TRIP10: variants seen among roughly 807,000 people sequenced by gnomAD.
TRIP10 encodes thyroid hormone receptor interactor 10, also known as cdc42-interacting protein 4.
A neutral mutation model predicts 80.9 loss-of-function variants in TRIP10; 54 were observed. The ratio of observed to expected loss-of-function variants is 0.67; its 90% CI spans 0.54 to 0.84. The LOEUF is 0.84. Among genes scored for constraint, TRIP10 ranks in the 40% least tolerant of loss-of-function variants. The pLI is 0.00. For synonymous variants in TRIP10, 321 were observed against 307.2 expected (o/e 1.04, Z -0.47); for missense variants, 773 against 815.3 (o/e 0.95, Z 0.63).
chr19:6,747,253 A>T (rs1184900740), intron 11 of TRIP10, among the ~76,000 whole-genome samples: 3 of 151,382 alleles, frequency 2.0e-5, no homozygotes, highest in East Asian at 4.0e-4. Flanking sequence ...AAGCCTGGGA[A>T]ATGGAGACTA....
intron 3 of TRIP10, among the ~76,000 whole-genome samples, chr19:6,742,316 G>A (rs112903412): frequency 3.3e-5 from 5 of 151,950 alleles, no homozygotes; most frequent in Admixed American, 3.3e-4. Flanking sequence ...CTTGAACCCG[G>A]GAGGCGGAGG....
intron 5 of TRIP10, 70 bp downstream of exon 5, chr19:6,743,326 G>A (rs1968981536): frequency 1.3e-6 from 2 of 1,590,354 alleles, no homozygotes; most frequent in African/African-American, 1.3e-5. Context: ...CCGGAGTCAG[G>A]GAGCTGCCCT....
rs1303281811 is a variant in TRIP10, at chr19:6,751,329, T to G, written c.*118T>G. 1.3e-6 allele frequency: 2 copies of G among 1,536,810 alleles called. No homozygotes were observed. Among genetic ancestry groups the G allele is most frequent in the African/African-American group, 2.7e-5 (2 of 73,096 alleles). ...GGCTTCGGCTGAGACCTGTGTAACC[T>G]GCTGCCCCCTCCACCCCCAACCCAG... On this transcript the variant is annotated 3_prime_UTR_variant, in exon 15 of 15. Coordinates refer to ENST00000313244, the MANE Select transcript of TRIP10 (RefSeq NM_001288962.2).
chr19:6,739,937 T>C (rs1163475575), intron 1 of TRIP10, 152 bp downstream of exon 1: 4 of 1,001,912 alleles, frequency 4.0e-6, no homozygotes, highest in African/African-American at 3.4e-5. Flanking sequence ...TCTCGAAGTT[T>C]ATCTGGGAGT....
chr19:6,750,530 A>G lies in TRIP10; in HGVS notation c.1554A>G (p.Ser518=). 1 of 1,614,198 alleles carries G rather than the reference A, an allele frequency of 6.2e-7. No homozygotes were observed. Among genetic ancestry groups the G allele is most frequent in the Non-Finnish European group, 8.5e-7 (1 of 1,180,028 alleles). The change falls in exon 14 of 15, where the codon TCA becomes TCG. Residue 518 remains serine (S), a synonymous_variant. Coordinates refer to ENST00000313244, the MANE Select transcript of TRIP10 (RefSeq NM_001288962.2). The part of the protein sequence containing the change: ...DTKESSEEPP[S]EESQDTPIYT... ...CAAACAGCTCTGAAGAGCCTCCCTC[A>G]GAAGAGAGCCAGGACACCCCCATTT... is the stretch of plus-strand genomic sequence containing the variant.
At chr19:6,747,216 T>C (rs1252300381) in intron 11 of TRIP10, among the ~76,000 whole-genome samples, 1 of 152,018 alleles carries the variant, frequency 6.6e-6, no homozygotes, top group Non-Finnish European at 1.5e-5. Context: ...CCCAGCCACT[T>C]GGGAGGCTGA....
In TRIP10 at chr19:6,746,701, G is replaced by C; in HGVS notation, c.1262+140G>C. On this transcript the variant is annotated intron_variant, in intron 11 of 14. Transcript: ENST00000313244. The surrounding 1 kb of genome is among the most constrained non-coding windows in gnomAD (Gnocchi z 6.2). ...AGGGTCTTAGTCTGTCGTCCAGGCT[G>C]GAGTGCAGTGCTGTGATCTTAGCTC... The C allele has an allele frequency of 6.4e-6, 3 of 471,060 alleles. No individual in the cohort carries two copies. Among genetic ancestry groups the C allele is most frequent in the Non-Finnish European group, 9.5e-6 (3 of 315,826 alleles). The allele number at this position is 471,060 out of a possible 1,614,324, so 29.2% of individuals were successfully genotyped here.
At position 6,739,739 on chromosome 19, in the gene TRIP10, G is replaced by A. The variant is rs769654230; in HGVS notation, c.-23G>A. 62 of 1,206,924 alleles carry A rather than the reference G, an allele frequency of 5.1e-5. No homozygotes were observed. Among genetic ancestry groups the A allele is most frequent in the Non-Finnish European group, 6.5e-5 (61 of 939,408 alleles). The allele number at this position is 1,206,924 out of a possible 1,614,324, so 74.8% of individuals were successfully genotyped here. A position where few individuals can be genotyped will look rare whatever the true frequency, so the allele number is the denominator to read the frequency against. On this transcript the variant is annotated 5_prime_UTR_variant, in exon 1 of 15. Coordinates refer to ENST00000313244, the MANE Select transcript of TRIP10 (RefSeq NM_001288962.2). ...GCGGGGACCGGGTGCGGTGGTGGCTGCGGCGGCGGCGGCGGGAGCAGCATG... is the reference window on the plus strand; with the variant it reads ...GCGGGGACCGGGTGCGGTGGTGGCTACGGCGGCGGCGGCGGGAGCAGCATG...
rs1841435721 is a variant in TRIP10, at chr19:6,744,106, C to T, written c.642+270C>T. Among the ~76,000 whole-genome samples, 1 of 152,178 alleles carries T rather than the reference C, an allele frequency of 6.6e-6. No homozygotes were observed. Among genetic ancestry groups the T allele is most frequent in the Non-Finnish European group, 1.5e-5 (1 of 68,034 alleles). ...GCAGTGGCATAATCACAGCTCACTG[C>T]AGCCTGGAACCCCTGTGCTCAAGTG... On this transcript the variant is annotated intron_variant, in intron 7 of 14. Coordinates refer to ENST00000313244, the MANE Select transcript of TRIP10 (RefSeq NM_001288962.2). The surrounding 1 kb of genome is among the most constrained non-coding windows in gnomAD (Gnocchi z 4.9).
At chr19:6,749,448 G>A (rs546216188) in intron 11 of TRIP10, among the ~76,000 whole-genome samples, 2 of 152,276 alleles carry the variant, frequency 1.3e-5, no homozygotes, top group East Asian at 3.9e-4. Flanking sequence ...AGCTCACACA[G>A]CTAGGAAATA....
intron 11 of TRIP10, among the ~76,000 whole-genome samples, chr19:6,747,776 C>T (rs189130424): frequency 6.8e-6 from 1 of 148,004 alleles, no homozygotes; most frequent in East Asian, 2.0e-4. Flanking sequence ...CTGGGTAACA[C>T]AGCGAGTCTC....
Position 6,746,296 on chromosome 19 carries a change from C to A in TRIP10, c.1152+100C>A. ...GCTTCCTGCCGCTGGCTGGGCCCCTCTTCCCTGGTTGCCCAACCCAGACCT... is the reference window on the plus strand; with the variant it reads ...GCTTCCTGCCGCTGGCTGGGCCCCTATTCCCTGGTTGCCCAACCCAGACCT... On this transcript the variant is annotated intron_variant, in intron 10 of 14. Coordinates refer to ENST00000313244, the MANE Select transcript of TRIP10 (RefSeq NM_001288962.2). This position sits in a 1 kb window ranked among gnomAD's most constrained non-coding sequence, Gnocchi z 6.2. 6.7e-7 allele frequency: 1 copy of A among 1,490,220 alleles called. No individual in the cohort carries two copies. 92.3% of individuals were successfully genotyped at this position (1,490,220 alleles called of 1,614,324 possible). A position where few individuals can be genotyped will look rare whatever the true frequency, so the allele number is the denominator to read the frequency against.
Position 6,743,615 on chromosome 19 carries a change from C to CGAGGGGGGGGGGGG in TRIP10, c.513+18_513+19insAGGGGGGGGGGGGG. 1 of 770,178 alleles carries CGAGGGGGGGGGGGG rather than the reference C, an allele frequency of 1.3e-6. No homozygotes were observed. The highest frequency in any genetic ancestry group is 1.8e-6 in the Non-Finnish European group (1 of 549,194). The allele number at this position is 770,178 out of a possible 1,614,324, so 47.7% of individuals were successfully genotyped here. A position where few individuals can be genotyped will look rare whatever the true frequency, so the allele number is the denominator to read the frequency against. On this transcript the variant is annotated intron_variant, in intron 6 of 14. Coordinates refer to ENST00000313244, the MANE Select transcript of TRIP10 (RefSeq NM_001288962.2). ...GTGGAGAAGGTGTGTGTGGCGGGGG[C>CGAGGGGGGGGGGGG]GGGGGGGGGGTGCGGGGTCTGGGAC...
In TRIP10 at chr19:6,744,784, T is replaced by C. The variant is rs548602254; in HGVS notation, c.790-16T>C. 1.1e-5 allele frequency: 17 copies of C among 1,607,802 alleles called. No homozygotes were observed. Among genetic ancestry groups the C allele is most frequent in the South Asian group, 4.4e-5 (4 of 90,010 alleles). On this transcript the variant is annotated splice_polypyrimidine_tract_variant and intron_variant, in intron 8 of 14. Transcript: ENST00000313244. The surrounding 1 kb of genome is among the most constrained non-coding windows in gnomAD (Gnocchi z 4.9). ...GCTAGGCACTCGACTGCTCATCCAC[T>C]GTCCCCCTCCCCCAGGACTCCCACG...
At chr19:6,741,429 T>C in intron 3 of TRIP10, 148 bp downstream of exon 3, 1 of 958,054 alleles carries the variant, frequency 1.0e-6, no homozygotes, top group Non-Finnish European at 1.6e-6. Context: ...CGGGATTATC[T>C]GGCTTGGAAT....
intron 11 of TRIP10, chr19:6,748,693 T>C (rs1190584608): frequency 6.6e-6 from 1 of 152,168 alleles, no homozygotes; most frequent in Non-Finnish European, 1.5e-5. Flanking sequence ...CTCCAGAGGC[T>C]GAGGCACGAG....
Position 6,743,078 on chromosome 19 carries a change from C to G in TRIP10, c.309C>G (p.Thr103=). 2 of 1,614,172 alleles carry G rather than the reference C, an allele frequency of 1.2e-6. No individual in the cohort carries two copies. Among genetic ancestry groups the G allele is most frequent in the South Asian group, 1.1e-5 (1 of 91,082 alleles). ...NLSVRVCLEL[T]KYSQEMKQER... ...GTGTCCGTGTATGTCTTGAGCTGAC[C>G]AAGTACTCACAAGAGATGAAACAGG... The change falls in exon 4 of 15, where the codon ACC becomes ACG. Residue 103 remains threonine (T), a synonymous_variant. Transcript: ENST00000313244.
At chr19:6,740,740 C>T (rs1968889647) in intron 1 of TRIP10, 4 of 460,008 alleles carry the variant, frequency 8.7e-6, no homozygotes, top group East Asian at 3.8e-5. Flanking sequence ...CCTTCCACGC[C>T]CCTCTTGGCG....
rs1599565868 is a variant in TRIP10, at chr19:6,746,743, C to A, written c.1262+182C>A. Among the ~76,000 whole-genome samples the A allele has an allele frequency of 1.3e-5, 2 of 152,118 alleles. No individual in the cohort carries two copies. Among genetic ancestry groups the A allele is most frequent in the South Asian group, 4.1e-4 (2 of 4,826 alleles). The stretch of plus-strand genomic sequence containing the variant: ...TCTTAGCTCACTGCAATCGCCACAT[C>A]CCAGGTTCAAGCAATTCTTGTGCCT... On this transcript the variant is annotated intron_variant, in intron 11 of 14. Coordinates refer to ENST00000313244, the MANE Select transcript of TRIP10 (RefSeq NM_001288962.2). The surrounding 1 kb of genome is among the most constrained non-coding windows in gnomAD (Gnocchi z 6.2).
Sources: allele counts gnomAD v4.1 joint callset (sites outside exome capture counted in the v4.1 genomes callset), GRCh38; gene constraint gnomAD v4.1.1; non-coding constraint Gnocchi (gnomAD v3.1); transcripts MANE v1.5; gene names NCBI Gene and HGNC (gene_info 2026-07-23, HGNC 2026-07-21).